The following LRRK2 variants were observed in gnomAD, a reference collection of about 807,000 sequenced individuals.
LRRK2 encodes the protein leucine rich repeat kinase 2.
LRRK2 carries 203 observed loss-of-function variants against 302.6 expected under a neutral mutation model. That is an observed-to-expected ratio of 0.67 (90% confidence interval 0.60 to 0.75). The LOEUF is 0.75. LRRK2 is among the 30% of genes least tolerant of loss of function. The probability of loss-of-function intolerance (pLI) is 0.00; values close to 1 mark genes in which losing one functional copy is unlikely to be tolerated. For missense variants in LRRK2, 2,830 were observed against 2,951.0 expected, an observed-to-expected ratio of 0.96 and a Z score of 0.95; for synonymous variants, 1,066 against 1,031.9, an observed-to-expected ratio of 1.03 and a Z score of -0.63.
At chr12:40,320,882 G>A in intron 34 of LRRK2, 152 bp from the exon 35 acceptor site, 2 of 912,920 alleles carry the variant, frequency 2.2e-6, no homozygotes, top group East Asian at 2.5e-5. Context: ...TGAATTTTTG[G>A]TGTAGGAAAA....
chr12:40,293,890 G>T (rs1220164498), intron 21 of LRRK2, among the ~76,000 whole-genome samples: 2 of 77,720 alleles, frequency 2.6e-5, no homozygotes, highest in African/African-American at 4.5e-5. Flanking sequence ...TGAATTTTTT[G>T]GGGCACATAT....
Position 40,284,130 on chromosome 12 carries a change from A to G in LRRK2, c.2497A>G (p.Thr833Ala), listed in dbSNP as rs776924292. The change falls in exon 19 of 51, where the codon ACA becomes GCA. Residue 833 changes from threonine (T) to alanine (A), a missense_variant. Around this residue, in one of 3 missense-constraint regions of LRRK2, gnomAD observed 2,121 missense variants for 2,148.0 expected, o/e 0.99. Transcript: ENST00000298910. ...PDKTSNLRKQ[T>A]NIASTLARMV... The stretch of plus-strand genomic sequence containing the variant: ...TAAGACTTCTAATTTAAGGAAACAA[A>G]CAAGTAAGTAACAAGGAGAATATTT... 5 of 1,607,288 alleles carry G rather than the reference A, an allele frequency of 3.1e-6. No homozygotes were observed. Among genetic ancestry groups the G allele is most frequent in the Middle Eastern group, 1.7e-4 (1 of 6,042 alleles).
At chr12:40,309,527 T>A (rs1944965067) in intron 30 of LRRK2, among the ~76,000 whole-genome samples, 1 of 152,102 alleles carries the variant, frequency 6.6e-6, no homozygotes, top group Non-Finnish European at 1.5e-5. Context: ...ATTTCTTAAA[T>A]GAAATCTAAA....
At chr12:40,302,367 C>T (rs1944663489) in intron 25 of LRRK2, among the ~76,000 whole-genome samples, 1 of 151,864 alleles carries the variant, frequency 6.6e-6, no homozygotes, top group Non-Finnish European at 1.5e-5. Flanking sequence ...TGAGCTAGTA[C>T]CATAAAGAAT....
At chr12:40,307,184 G>A (rs1396261692) in intron 28 of LRRK2, among the ~76,000 whole-genome samples, 2 of 151,932 alleles carry the variant, frequency 1.3e-5, no homozygotes, top group Non-Finnish European at 2.9e-5. Flanking sequence ...TTTTCAAATA[G>A]TGGTGCATTC....
chr12:40,275,866 C>G lies in LRRK2; in HGVS notation c.1941+873C>G, dbSNP rs112085640. 7.8e-3 allele frequency among the ~76,000 whole-genome samples: 1,185 copies of G among 152,196 alleles called. 20 individuals are homozygous for G. Among genetic ancestry groups the G allele is most frequent in the African/African-American group, 0.026 (1,090 of 41,526 alleles). On this transcript the variant is annotated intron_variant, in intron 16 of 50. Coordinates refer to ENST00000298910, the MANE Select transcript of LRRK2 (RefSeq NM_198578.4). ...GTCTCAAGCAATCTGTCCTGCTCAG[C>G]CTCCCAAAGTGCTGGGATTACAGGT...
chr12:40,355,505 ATCCC>A lies in LRRK2; in HGVS notation c.6771-588_6771-585del, dbSNP rs767501990. On this transcript the variant is annotated intron_variant, in intron 45 of 50. Coordinates refer to ENST00000298910, the MANE Select transcript of LRRK2 (RefSeq NM_198578.4). ...ACTGGGGAATTCCTTCCTTCCTTCC[ATCCC>A]TCCCTCCCTCCCTCCCTCCCTTCCT... Among the ~76,000 whole-genome samples, 32 of 55,398 alleles carry A rather than the reference ATCCC, an allele frequency of 5.8e-4. 1 individual carries two copies. The East Asian group carries it at 6.4e-3, about 11-fold the overall frequency. 36.3% of individuals were successfully genotyped at this position (55,398 alleles called of 152,430 possible).
intron 16 of LRRK2, among the ~76,000 whole-genome samples, chr12:40,275,524 G>A (rs371757235): frequency 2.8e-4 from 43 of 151,822 alleles, no homozygotes; most frequent in South Asian, 4.2e-4. Context: ...GTTTTGTTTT[G>A]TTTTTTAATT....
intron 39 of LRRK2, among the ~76,000 whole-genome samples, chr12:40,332,016 A>G (rs1214027162): frequency 6.6e-6 from 1 of 152,224 alleles, no homozygotes; most frequent in Non-Finnish European, 1.5e-5. Flanking sequence ...TTTCAAAGGA[A>G]TCAAATGGCC....
chr12:40,316,458 TGA>T (rs1945225924), intron 33 of LRRK2: 1 of 459,524 alleles, frequency 2.2e-6, no homozygotes, highest in African/African-American at 2.1e-5. Flanking sequence ...ATGGATAATG[TGA>T]TTTTACTCAA....
chr12:40,347,371 G>A (rs972473405), intron 42 of LRRK2, among the ~76,000 whole-genome samples: 1 of 152,100 alleles, frequency 6.6e-6, no homozygotes, highest in Admixed American at 6.5e-5. Flanking sequence ...CATTTGGAAT[G>A]GTTGTCTCAT....
chr12:40,322,483 G>C lies in LRRK2; in HGVS notation c.5482G>C (p.Asp1828His). 1.2e-6 allele frequency: 2 copies of C among 1,612,364 alleles called. No individual in the cohort carries two copies. Among genetic ancestry groups the C allele is most frequent in the East Asian group, 4.5e-5 (2 of 44,820 alleles). ...DGEEHQKILL[D>H]DLMKKAEEGD... ...TGAAGAACATCAAAAAATCTTACTT[G>C]ATGACTTGATGAAGAAAGCAGAGGA... The change falls in exon 37 of 51, where the codon GAT (aspartate) becomes CAT (histidine). Residue 1828 changes from aspartate (D) to histidine (H), a missense_variant. Physicochemically the swap from Asp to His is moderately conservative, Grantham distance 81 (BLOSUM62 -1). Around this residue, in one of 3 missense-constraint regions of LRRK2, gnomAD observed 2,121 missense variants for 2,148.0 expected, o/e 0.99. Coordinates refer to ENST00000298910, the MANE Select transcript of LRRK2 (RefSeq NM_198578.4).
chr12:40,269,338 G>T (rs773291444), intron 14 of LRRK2, among the ~76,000 whole-genome samples: 3 of 152,134 alleles, frequency 2.0e-5, no homozygotes, highest in Admixed American at 1.3e-4. Context: ...ATAGTATTTA[G>T]TAGTTAGGTT....
intron 27 of LRRK2, 88 bp from the exon 28 acceptor site, chr12:40,305,697 G>A (rs1944792820): frequency 2.6e-6 from 3 of 1,147,684 alleles, no homozygotes; most frequent in Admixed American, 1.7e-5. Flanking sequence ...TGGAATCTGT[G>A]AGCCTTTCTT....
At position 40,257,245 on chromosome 12, in the gene LRRK2, C is replaced by G; in HGVS notation, c.1289-3C>G. On this transcript the variant is annotated splice_region_variant and splice_polypyrimidine_tract_variant and intron_variant, in intron 11 of 50. Transcript: ENST00000298910. ...CTATAAGTAACATTTTAAAAAATCT[C>G]AGTTAATTTCAGAAAAATACTGTTA... 1 of 1,542,124 alleles carries G rather than the reference C, an allele frequency of 6.5e-7. No homozygotes were observed. The highest frequency in any genetic ancestry group is 9.0e-7 in the Non-Finnish European group (1 of 1,115,684).
At chr12:40,335,298 G>A in intron 40 of LRRK2, 141 bp downstream of exon 40, 1 of 970,522 alleles carries the variant, frequency 1.0e-6, no homozygotes, top group South Asian at 1.4e-5. Flanking sequence ...CCATTTCCCT[G>A]ATCAAATTTT....
intron 11 of LRRK2, among the ~76,000 whole-genome samples, chr12:40,253,805 C>A (rs1942384054): frequency 6.6e-6 from 1 of 152,194 alleles, no homozygotes; most frequent in African/African-American, 2.4e-5. Flanking sequence ...ATAGTAAACA[C>A]CAGTGATCAC....
chr12:40,336,801 C>A (rs998200778), intron 40 of LRRK2, among the ~76,000 whole-genome samples: 1 of 152,178 alleles, frequency 6.6e-6, no homozygotes, highest in African/African-American at 2.4e-5. Flanking sequence ...AGGTAAAGTG[C>A]AGAATAGTCT....
intron 2 of LRRK2, 89 bp downstream of exon 2, chr12:40,225,729 T>C: frequency 8.2e-7 from 1 of 1,215,122 alleles, no homozygotes; most frequent in Non-Finnish European, 1.2e-6. Flanking sequence ...CGAGAGTTCT[T>C]GGTTATTCCC....
Sources: allele counts gnomAD v4.1 joint callset (sites outside exome capture counted in the v4.1 genomes callset), GRCh38; gene constraint gnomAD v4.1.1; regional missense constraint gnomAD v4.1.1; transcripts MANE v1.5; gene names NCBI Gene and HGNC (gene_info 2026-07-23, HGNC 2026-07-21).